BCL11A: variants seen among roughly 807,000 people sequenced by gnomAD.
The protein encoded by BCL11A is B cell CLL/lymphoma 11A.
In BCL11A, 2 loss-of-function variants were observed where a neutral mutation model predicts 55.9. The ratio of observed to expected loss-of-function variants is 0.04; its 90% CI spans 0.01 to 0.11. The LOEUF is 0.11. BCL11A is among the 10% of genes least tolerant of loss of function. The pLI is 1.00. For synonymous variants in BCL11A, 465 were observed against 473.4 expected, an observed-to-expected ratio of 0.98 and a Z score of 0.23; for missense variants, 817 against 1,137.1, an observed-to-expected ratio of 0.72 and a Z score of 4.05.
chr2:60,469,572 T>C (rs1385258155), intron 2 of BCL11A, among the ~76,000 whole-genome samples: 1 of 152,240 alleles, frequency 6.6e-6, no homozygotes, highest in African/African-American at 2.4e-5. Context: ...ATTCCAATAA[T>C]GCCAGCACCC....
At chr2:60,509,774 G>A (rs1036650754) in intron 2 of BCL11A, among the ~76,000 whole-genome samples, 3 of 151,900 alleles carry the variant, frequency 2.0e-5, no homozygotes, top group East Asian at 1.9e-4. Context: ...AGCCACAATC[G>A]GGGGGCTACT....
Position 60,546,834 on chromosome 2 carries a change from C to T in BCL11A, c.56-534G>A, listed in dbSNP as rs1404901962. On this transcript the variant is annotated intron_variant, in intron 1 of 3. Transcript: ENST00000642384. This position sits in a 1 kb window ranked among gnomAD's most constrained non-coding sequence, Gnocchi z 4.1. ...ATGTATATACTCCTAAGTAAACAGA[C>T]ATGGCTTCATAAATTAGAAAGCTAC... Among the ~76,000 whole-genome samples the T allele has an allele frequency of 6.6e-6, 1 of 152,188 alleles. No homozygotes were observed. The highest frequency in any genetic ancestry group is 2.4e-5 in the African/African-American group (1 of 41,452).
intron 1 of BCL11A, 52 bp downstream of exon 1, chr2:60,553,164 G>T: frequency 6.5e-7 from 1 of 1,548,386 alleles, no homozygotes; most frequent in Non-Finnish European, 8.7e-7. Flanking sequence ...TTCTAGTCCT[G>T]CGCGCTCTCG....
chr2:60,452,536 G>T (rs369170414), downstream of BCL11A: 1 of 1,526,270 alleles, frequency 6.6e-7, no homozygotes, highest in Non-Finnish European at 9.1e-7. Flanking sequence ...TCGACTGGGC[G>T]GCACGCGTCC....
At chr2:60,480,832 A>G (rs1337651032) in intron 2 of BCL11A, among the ~76,000 whole-genome samples, 1 of 151,852 alleles carries the variant, frequency 6.6e-6, no homozygotes, top group Non-Finnish European at 1.5e-5. Context: ...AATCCTCCAC[A>G]TTTTCCTCTA....
Position 60,461,793 on chromosome 2 carries a change from C to G in BCL11A, c.1119G>C (p.Pro373=), listed in dbSNP as rs147757821. 9.8e-7 allele frequency: 1 copy of G among 1,016,528 alleles called. No individual in the cohort carries two copies. The highest frequency in any genetic ancestry group is 1.4e-6 in the Non-Finnish European group (1 of 729,890). 63.0% of individuals were successfully genotyped at this position (1,016,528 alleles called of 1,614,324 possible). A position where few individuals can be genotyped will look rare whatever the true frequency, so the allele number is the denominator to read the frequency against. ...AGAACTCGCATGACTTGGACTTGAC[C>G]GGGGGCTGGGAGGGAGGAGGGGCGG... ...LQSAPPPSQP[P]VKSKSCEFCG... Residue 373 remains proline, a synonymous_variant, in exon 4 of 4, where the codon CCG becomes CCC. Transcript: ENST00000642384.
intron 2 of BCL11A, chr2:60,538,134 G>C (rs988268568): frequency 6.6e-6 from 1 of 152,200 alleles, no homozygotes; most frequent in African/African-American, 2.4e-5. Flanking sequence ...TGTGCAAGGC[G>C]CCTTCTCGCC....
At chr2:60,516,355 G>A (rs1573042158) in intron 2 of BCL11A, among the ~76,000 whole-genome samples, 3 of 152,156 alleles carry the variant, frequency 2.0e-5, no homozygotes, top group South Asian at 2.1e-4. Flanking sequence ...TCTGGGCTCC[G>A]CTCTTCCAAA....
chr2:60,488,801 C>T (rs1055824141), intron 2 of BCL11A, among the ~76,000 whole-genome samples: 1 of 151,732 alleles, frequency 6.6e-6, no homozygotes, highest in Admixed American at 6.5e-5. Flanking sequence ...CTCTTGTTGC[C>T]CGGGCTGGAG....
chr2:60,466,426 C>T (rs923532833), intron 3 of BCL11A, among the ~76,000 whole-genome samples: 7 of 152,144 alleles, frequency 4.6e-5, no homozygotes, highest in Admixed American at 3.9e-4. Context: ...GACTAGAAAC[C>T]GTGAGCCCAA....
At chr2:60,478,415 G>A (rs1356030906) in intron 2 of BCL11A, among the ~76,000 whole-genome samples, 1 of 152,204 alleles carries the variant, frequency 6.6e-6, no homozygotes, top group Non-Finnish European at 1.5e-5. Flanking sequence ...TCTGGACACT[G>A]GTCATACAGC....
intron 2 of BCL11A, among the ~76,000 whole-genome samples, chr2:60,510,761 T>C (rs1655711021): frequency 6.6e-6 from 1 of 152,154 alleles, no homozygotes; most frequent in African/African-American, 2.4e-5. Context: ...CTCAATGCCA[T>C]ATCTATAAAA....
rs1355130316 is a variant in BCL11A at position 60,457,487 on chromosome 2, G to A, written c.*2917C>T. On this transcript the variant is annotated 3_prime_UTR_variant, in exon 4 of 4. Coordinates refer to ENST00000642384, the MANE Select transcript of BCL11A (RefSeq NM_022893.4). ...AGTAAAAGATAAAATTTCAAGTTAC[G>A]ACAAACAGCTTTCATTACAGGAATA... 4 of 1,041,586 alleles carry A rather than the reference G, an allele frequency of 3.8e-6. No homozygotes were observed. The highest frequency in any genetic ancestry group is 4.6e-5 in the South Asian group (1 of 21,764). 64.5% of individuals were successfully genotyped at this position (1,041,586 alleles called of 1,614,324 possible).
At chr2:60,531,401 C>G (rs1226728445) in intron 2 of BCL11A, among the ~76,000 whole-genome samples, 2 of 152,150 alleles carry the variant, frequency 1.3e-5, no homozygotes, top group Non-Finnish European at 2.9e-5. Flanking sequence ...ATTAATTTAC[C>G]CTGACTTGCA....
At chr2:60,477,209 G>A (rs2104104602) in intron 2 of BCL11A, among the ~76,000 whole-genome samples, 1 of 152,254 alleles carries the variant, frequency 6.6e-6, no homozygotes, top group Admixed American at 6.5e-5. Flanking sequence ...AGAGGCATGG[G>A]GCTGTGAAGA....
At chr2:60,530,435 G>A (rs1440214739) in intron 2 of BCL11A, among the ~76,000 whole-genome samples, 1 of 151,096 alleles carries the variant, frequency 6.6e-6, no homozygotes, top group Non-Finnish European at 1.5e-5. Context: ...ACACCTGGTC[G>A]CCTGAACACA....
At chr2:60,467,144 GTGA>G (rs1369390280) in intron 3 of BCL11A, among the ~76,000 whole-genome samples, 109 of 137,528 alleles carry the variant, frequency 7.9e-4, no homozygotes, top group Non-Finnish European at 1.5e-3. Context: ...GGTGTTGGTG[GTGA>G]TGGTGGTGGT....
chr2:60,480,461 T>C (rs1677886918), intron 2 of BCL11A, among the ~76,000 whole-genome samples: 1 of 152,202 alleles, frequency 6.6e-6, no homozygotes, highest in Non-Finnish European at 1.5e-5. Context: ...AGAGCCATTC[T>C]AAATGACCTG....
At chr2:60,513,434 C>T (rs748132845) in intron 2 of BCL11A, among the ~76,000 whole-genome samples, 6 of 152,180 alleles carry the variant, frequency 3.9e-5, no homozygotes, top group African/African-American at 7.2e-5. Flanking sequence ...CAGAAACCAG[C>T]GCCCAGATCC....
Sources: allele counts gnomAD v4.1 joint callset (sites outside exome capture counted in the v4.1 genomes callset), GRCh38; gene constraint gnomAD v4.1.1; non-coding constraint Gnocchi (gnomAD v3.1); transcripts MANE v1.5; gene names NCBI Gene and HGNC (gene_info 2026-07-23, HGNC 2026-07-21).